Variants in DNAH7 observed in about 807,000 individuals in gnomAD.
The protein encoded by DNAH7 is dynein axonemal heavy chain 7.
DNAH7 carries 397 observed loss-of-function variants against 444.6 expected under a neutral mutation model. That is an observed-to-expected ratio of 0.89 (90% CI 0.82 to 0.97). The LOEUF is 0.97. Among genes scored for constraint, DNAH7 ranks in the 50% least tolerant of loss-of-function variants. DNAH7 has a pLI of 0.00. For synonymous variants in DNAH7, 1,636 were observed against 1,624.4 expected (o/e 1.01, Z -0.17); for missense variants, 4,902 against 4,800.8 (o/e 1.02, Z -0.62).
Position 195,900,359 on chromosome 2 carries a change from G to A in DNAH7, c.4471C>T (p.Gln1491Ter). 1.9e-6 allele frequency: 3 copies of A among 1,614,000 alleles called. No homozygotes were observed. The highest frequency in any genetic ancestry group is 2.5e-6 in the Non-Finnish European group (3 of 1,179,944). The change falls in exon 28 of 65, where the codon CAG (glutamine) becomes TAG (stop). Residue 1491 changes from glutamine to a stop codon, truncating the protein, a stop_gained. Coordinates refer to ENST00000312428, the MANE Select transcript of DNAH7 (RefSeq NM_018897.3). LOFTEE classifies it high-confidence loss of function. ...IVATYRLCSE[Q>*]LSSQHHYDYG... is the part of the protein sequence containing the mutation. ...TCGTAGTGATGTTGAGATGACAGCT[G>A]CTCTGAACACAAGCGATACGTAGCC...
At chr2:196,057,025 T>A (rs185943416) in intron 2 of DNAH7, among the ~76,000 whole-genome samples, 1 of 152,314 alleles carries the variant, frequency 6.6e-6, no homozygotes, top group African/African-American at 2.4e-5. Context: ...ACTACAGGGT[T>A]CACCTCTAGA....
intron 5 of DNAH7, among the ~76,000 whole-genome samples, 178 bp downstream of exon 5, chr2:196,047,174 T>C (rs949112929): frequency 7.2e-5 from 11 of 152,300 alleles, no homozygotes; most frequent in African/African-American, 2.6e-4. Context: ...TATTTAGAAG[T>C]GGAACACACT....
chr2:195,821,706 C>T (rs1288314824), intron 49 of DNAH7, among the ~76,000 whole-genome samples: 1 of 152,128 alleles, frequency 6.6e-6, no homozygotes, highest in Non-Finnish European at 1.5e-5. Flanking sequence ...TTAGACCTTT[C>T]CCGGAACAGA....
At chr2:196,034,795 C>A (rs1354541385) in intron 5 of DNAH7, among the ~76,000 whole-genome samples, 1 of 151,986 alleles carries the variant, frequency 6.6e-6, no homozygotes, top group Non-Finnish European at 1.5e-5. Flanking sequence ...CATTTATATG[C>A]CAAAAAATTG....
chr2:195,889,055 T>C, intron 31 of DNAH7, 74 bp from the exon 32 acceptor site: 2 of 1,376,164 alleles, frequency 1.5e-6, no homozygotes, highest in South Asian at 1.3e-5. Context: ...AATAATATTA[T>C]TTCAAAATTT....
rs781644203 is a variant in DNAH7 at position 195,799,285 on chromosome 2, T to C, written c.10353+11A>G. The stretch of plus-strand genomic sequence containing the variant: ...AAATAATATCCGATAACTTCATCTA[T>C]TGTAAGGTACCTGGTCATCAGCAAA... On this transcript the variant is annotated intron_variant, in intron 55 of 64. Transcript: ENST00000312428. 4.6e-6 allele frequency: 7 copies of C among 1,532,632 alleles called. No homozygotes were observed. Among genetic ancestry groups the C allele is most frequent in the South Asian group, 4.0e-5 (3 of 75,372 alleles). The allele number at this position is 1,532,632 out of a possible 1,614,324, so 94.9% of individuals were successfully genotyped here.
At chr2:195,962,215 C>G (rs953318386) in intron 17 of DNAH7, among the ~76,000 whole-genome samples, 1 of 152,148 alleles carries the variant, frequency 6.6e-6, no homozygotes, top group Admixed American at 6.6e-5. Context: ...TGTGGGTACA[C>G]AGAAGTAGGT....
intron 9 of DNAH7, among the ~76,000 whole-genome samples, chr2:196,018,306 T>TA (rs1695151417): frequency 6.6e-6 from 1 of 152,104 alleles, no homozygotes; most frequent in Non-Finnish European, 1.5e-5. Context: ...AAAGAAGTTC[T>TA]CATTTACTGT....
chr2:195,738,905 T>C (rs1692818647), intron 64 of DNAH7, among the ~76,000 whole-genome samples: 1 of 152,138 alleles, frequency 6.6e-6, no homozygotes, highest in South Asian at 2.1e-4. Context: ...TTGAAGGAGC[T>C]TATAAGGATG....
intron 21 of DNAH7, among the ~76,000 whole-genome samples, chr2:195,934,297 T>G (rs984326637): frequency 6.6e-6 from 1 of 152,240 alleles, no homozygotes; most frequent in Non-Finnish European, 1.5e-5. Context: ...TAGAACAAAG[T>G]GTATCTAATT....
intron 27 of DNAH7, chr2:195,903,515 T>C (rs1055559257): frequency 6.6e-6 from 1 of 152,186 alleles, no homozygotes; most frequent in African/African-American, 2.4e-5. Context: ...TCTAAAATGA[T>C]CATTGACTAC....
intron 17 of DNAH7, among the ~76,000 whole-genome samples, chr2:195,966,908 T>A (rs963024498): frequency 1.3e-5 from 2 of 152,076 alleles, no homozygotes; most frequent in African/African-American, 4.8e-5. Flanking sequence ...AAACCATTTA[T>A]CCATGCTATA....
chr2:195,780,475 G>A (rs574530981), intron 58 of DNAH7, among the ~76,000 whole-genome samples: 18 of 152,178 alleles, frequency 1.2e-4, no homozygotes, highest in Admixed American at 7.8e-4. Flanking sequence ...TAGGCCAGGC[G>A]CGGTGGCTCA....
chr2:196,031,156 T>G (rs1696033620), intron 5 of DNAH7, among the ~76,000 whole-genome samples: 1 of 152,260 alleles, frequency 6.6e-6, no homozygotes, highest in Admixed American at 6.5e-5. Flanking sequence ...TTGACTTCTG[T>G]GCACTTGCAA....
At chr2:195,962,018 C>T (rs985524609) in intron 17 of DNAH7, among the ~76,000 whole-genome samples, 16 of 152,040 alleles carry the variant, frequency 1.1e-4, no homozygotes, top group African/African-American at 3.9e-4. Context: ...TGAAATACTG[C>T]AGTCACAGAT....
chr2:195,816,871 G>A lies in DNAH7; in HGVS notation c.9518C>T (p.Ser3173Phe), dbSNP rs1247678643. 3.7e-6 allele frequency: 6 copies of A among 1,614,122 alleles called. No individual in the cohort carries two copies. In the South Asian group the frequency reaches 4.4e-5, roughly 12 times the overall value. ...LEDETAIKIL[S>F]SSKALANEIS... ...CTCATTAGCCAAGGCCTTGGAGGAA[G>A]ATAATATCTTAATAGCAGTTTCATC... The change falls in exon 51 of 65, where the codon TCT becomes TTT. Residue 3173 changes from serine (S) to phenylalanine (F), a missense_variant. Physicochemically the swap from Ser to Phe is radical, Grantham distance 155. Transcript: ENST00000312428.
In DNAH7 at chr2:195,742,082, A is replaced by G. The variant is rs114002237; in HGVS notation, c.11765-1213T>C. The stretch of plus-strand genomic sequence containing the variant: ...TATTAATTGACAAAGCACTTGTCCA[A>G]TAACTGCCAGTGTATAACTCTGGTA... On this transcript the variant is annotated intron_variant, in intron 63 of 64. Coordinates refer to ENST00000312428, the MANE Select transcript of DNAH7 (RefSeq NM_018897.3). 3.6e-3 allele frequency among the ~76,000 whole-genome samples: 550 copies of G among 152,318 alleles called. 2 individuals carry two copies. The highest frequency in any genetic ancestry group is 0.012 in the African/African-American group (514 of 41,560).
At chr2:195,845,798 C>T (rs1429318877) in intron 46 of DNAH7, among the ~76,000 whole-genome samples, 1 of 152,212 alleles carries the variant, frequency 6.6e-6, no homozygotes, top group Non-Finnish European at 1.5e-5. Context: ...GGGTAACTGG[C>T]TAGCCATATG....
chr2:195,919,284 G>A (rs921464668), intron 24 of DNAH7, among the ~76,000 whole-genome samples: 4 of 151,634 alleles, frequency 2.6e-5, no homozygotes, highest in Non-Finnish European at 1.5e-5. Context: ...GTGGGATAGA[G>A]AGAGGTTAGG....
Sources: allele counts gnomAD v4.1 joint callset (sites outside exome capture counted in the v4.1 genomes callset), GRCh38; gene constraint gnomAD v4.1.1; transcripts MANE v1.5; gene names NCBI Gene and HGNC (gene_info 2026-07-23, HGNC 2026-07-21).